Variants in FMN1 observed in about 807,000 individuals in gnomAD.
FMN1 encodes the protein formin 1, also known as formin-1.
Under a neutral mutation model 132.4 loss-of-function variants are expected in FMN1, and 110 were observed. That is an observed-to-expected ratio of 0.83 (90% CI 0.71 to 0.97). The LOEUF is 0.97. FMN1 is among the 50% of genes least tolerant of loss of function. The probability of loss-of-function intolerance (pLI) is 0.00; values close to 1 mark genes in which losing one functional copy is unlikely to be tolerated. For synonymous variants in FMN1, 722 were observed against 651.7 expected (o/e 1.11, Z -1.64); for missense variants, 1,792 against 1,705.3 (o/e 1.05, Z -0.90).
At chr15:32,926,386 C>A in intron 9 of FMN1, 125 bp from the exon 10 acceptor site, 1 of 540,822 alleles carries the variant, frequency 1.8e-6, no homozygotes. Flanking sequence ...ATGCTGCATG[C>A]ACTCTTTAAA....
intron 4 of FMN1, 124 bp from the exon 5 acceptor site, chr15:33,089,098 T>C (rs983991241): frequency 3.9e-6 from 3 of 777,784 alleles, no homozygotes; most frequent in East Asian, 2.8e-5. Context: ...TTCTAAGTTA[T>C]ATTTTTAAGA....
At chr15:32,960,436 A>G (rs777438081) in intron 9 of FMN1, among the ~76,000 whole-genome samples, 2 of 152,172 alleles carry the variant, frequency 1.3e-5, no homozygotes, top group Non-Finnish European at 2.9e-5. Flanking sequence ...AGAAAAATTC[A>G]AATTGTTCCA....
At chr15:32,997,408 A>C (rs1490185493) in intron 7 of FMN1, among the ~76,000 whole-genome samples, 2 of 151,936 alleles carry the variant, frequency 1.3e-5, no homozygotes, top group Non-Finnish European at 2.9e-5. Flanking sequence ...AGGACGAGAG[A>C]AAAAATTAAA....
In FMN1 at chr15:32,805,225, T is replaced by C. The variant is rs146319526; in HGVS notation, c.3929-893A>G. Among the ~76,000 whole-genome samples, 559 of 152,318 alleles carry C rather than the reference T, an allele frequency of 3.7e-3. 4 individuals are homozygous for C. Among genetic ancestry groups the C allele is most frequent in the Non-Finnish European group, 6.2e-3 (420 of 68,020 alleles). On this transcript the variant is annotated intron_variant, in intron 17 of 20. Transcript: ENST00000616417. ...CTAACTGGAGTGAGATGGTGTGTCA[T>C]TGTGGTTTTGATTTGCATTTCTCTG...
At chr15:32,878,781 T>C (rs1038071168) in intron 16 of FMN1, among the ~76,000 whole-genome samples, 1 of 152,196 alleles carries the variant, frequency 6.6e-6, no homozygotes, top group Admixed American at 6.5e-5. Flanking sequence ...TGACCCAGAC[T>C]TTTCTATGAT....
At chr15:32,841,888 C>T (rs2058752758) in intron 17 of FMN1, among the ~76,000 whole-genome samples, 1 of 152,124 alleles carries the variant, frequency 6.6e-6, no homozygotes, top group Non-Finnish European at 1.5e-5. Context: ...TTTTATAAAT[C>T]TTGATGGACT....
intron 6 of FMN1, among the ~76,000 whole-genome samples, chr15:33,035,052 T>C (rs1298603065): frequency 6.6e-6 from 1 of 152,222 alleles, no homozygotes; most frequent in African/African-American, 2.4e-5. Context: ...AAACGTGTTT[T>C]AAATTTACAA....
Position 32,823,350 on chromosome 15 carries a change from G to C in FMN1, c.3929-19018C>G, listed in dbSNP as rs539642972. On this transcript the variant is annotated intron_variant, in intron 17 of 20. Coordinates refer to ENST00000616417, the MANE Select transcript of FMN1 (RefSeq NM_001277313.2). Reference sequence around the variant, plus strand: ...TTAATTTCTTTTTGTATTTTTAGTAGAGACAGGGTTTCACGGTGTTAGCCA... The same window carrying C: ...TTAATTTCTTTTTGTATTTTTAGTACAGACAGGGTTTCACGGTGTTAGCCA... Among the ~76,000 whole-genome samples the C allele has an allele frequency of 2.6e-5, 4 of 151,894 alleles. No individual in the cohort carries two copies. The East Asian group carries it at 7.7e-4, about 29-fold the overall frequency.
At chr15:33,017,685 C>T (rs1348340412) in intron 6 of FMN1, among the ~76,000 whole-genome samples, 1 of 152,166 alleles carries the variant, frequency 6.6e-6, no homozygotes, top group Non-Finnish European at 1.5e-5. Flanking sequence ...ATAAAAATGT[C>T]AGTATCAAAA....
chr15:33,105,807 C>T (rs917372696), intron 4 of FMN1: 1 of 135,888 alleles, frequency 7.4e-6, no homozygotes, highest in African/African-American at 2.7e-5. Flanking sequence ...TGTAATAGGA[C>T]AAGAAAAAAA....
At chr15:33,134,974 C>T (rs777201328) in intron 4 of FMN1, among the ~76,000 whole-genome samples, 14 of 152,134 alleles carry the variant, frequency 9.2e-5, no homozygotes, top group Non-Finnish European at 1.9e-4. Flanking sequence ...TGCACTCCAG[C>T]CTGGGTGACA....
intron 6 of FMN1, among the ~76,000 whole-genome samples, chr15:33,008,979 T>C (rs756701789): frequency 1.1e-4 from 16 of 152,208 alleles, no homozygotes; most frequent in Non-Finnish European, 2.4e-4. Context: ...TTTCTCCAAG[T>C]AGATTTCCTA....
chr15:33,099,464 T>C (rs928700108), intron 4 of FMN1, among the ~76,000 whole-genome samples: 1 of 152,166 alleles, frequency 6.6e-6, no homozygotes, highest in Non-Finnish European at 1.5e-5. Flanking sequence ...TCAATTAGAA[T>C]AATAGCAGCA....
At chr15:32,884,052 G>T (rs1376436757) in intron 16 of FMN1, among the ~76,000 whole-genome samples, 1 of 151,898 alleles carries the variant, frequency 6.6e-6, no homozygotes, top group Non-Finnish European at 1.5e-5. Context: ...GTGTGTTTGT[G>T]TATGTGTGTG....
chr15:32,874,110 C>T (rs537324021), intron 16 of FMN1, among the ~76,000 whole-genome samples: 1 of 150,792 alleles, frequency 6.6e-6, no homozygotes, highest in South Asian at 2.1e-4. Flanking sequence ...TGACCTCTGC[C>T]TCCTGGGTTC....
intron 10 of FMN1, among the ~76,000 whole-genome samples, chr15:32,922,845 G>A (rs967954549): frequency 1.3e-5 from 2 of 152,174 alleles, no homozygotes; most frequent in African/African-American, 4.8e-5. Flanking sequence ...GTTTATGCCT[G>A]TTTCTTTGCA....
chr15:32,850,401 C>T (rs951546308), intron 17 of FMN1, among the ~76,000 whole-genome samples: 17 of 151,900 alleles, frequency 1.1e-4, no homozygotes, highest in African/African-American at 3.2e-4. Flanking sequence ...GAATAGATTA[C>T]GTGCATATGC....
intron 13 of FMN1, among the ~76,000 whole-genome samples, chr15:32,901,359 A>G (rs1015024869): frequency 3.3e-5 from 5 of 152,230 alleles, no homozygotes; most frequent in African/African-American, 1.2e-4. Context: ...GTGGAGAAGA[A>G]TAACGTGTCC....
chr15:33,092,199 C>T (rs917783803), intron 4 of FMN1, among the ~76,000 whole-genome samples: 5 of 152,146 alleles, frequency 3.3e-5, no homozygotes, highest in African/African-American at 9.7e-5. Flanking sequence ...CTTCCTGATG[C>T]TAACCTACAA....
Sources: allele counts gnomAD v4.1 joint callset (sites outside exome capture counted in the v4.1 genomes callset), GRCh38; gene constraint gnomAD v4.1.1; transcripts MANE v1.5; gene names NCBI Gene and HGNC (gene_info 2026-07-23, HGNC 2026-07-21).